The following GBP7 variants were observed in gnomAD, a reference collection of about 807,000 sequenced individuals.
GBP7 encodes guanylate-binding protein 7.
Under a neutral mutation model 61.3 loss-of-function variants are expected in GBP7, and 43 were observed. That is an observed-to-expected ratio of 0.70 (90% CI 0.55 to 0.91). The LOEUF (loss-of-function observed/expected upper bound fraction) is 0.91. GBP7 is among the 40% of genes least tolerant of loss of function. GBP7 has a pLI of 0.00. For missense variants in GBP7, 717 were observed against 740.5 expected (o/e 0.97, Z 0.37); for synonymous variants, 267 against 271.0 (o/e 0.99, Z 0.14).
At chr1:89,146,635 T>C (rs1481576973) in intron 8 of GBP7, among the ~76,000 whole-genome samples, 1 of 152,058 alleles carries the variant, frequency 6.6e-6, no homozygotes. Context: ...GCAAAAGACC[T>C]GAACAGACAT....
At chr1:89,141,797 C>T (rs1681958941) in intron 8 of GBP7, 149 bp from the exon 9 acceptor site, 2 of 615,918 alleles carry the variant, frequency 3.2e-6, no homozygotes, top group Admixed American at 2.8e-5. Flanking sequence ...CCTTCCACAG[C>T]CACAATAAAA....
chr1:89,144,256 T>C (rs1337823956), intron 8 of GBP7, among the ~76,000 whole-genome samples: 3 of 152,224 alleles, frequency 2.0e-5, no homozygotes, highest in Non-Finnish European at 4.4e-5. Context: ...ATGCACCACA[T>C]TGTAAAAATC....
At chr1:89,142,893 C>T (rs4655904) in intron 8 of GBP7, among the ~76,000 whole-genome samples, 112,412 of 152,104 alleles carry the variant, frequency 0.74, 41,849 homozygotes, top group African/African-American at 0.82. Flanking sequence ...AGCTTATTCA[C>T]TTTCATTGTG....
chr1:89,165,847 C>T (rs541296800), intron 2 of GBP7, among the ~76,000 whole-genome samples: 6 of 151,990 alleles, frequency 3.9e-5, no homozygotes, highest in African/African-American at 1.2e-4. Context: ...AGCAAACCAC[C>T]GTGACACGTG....
In GBP7 at chr1:89,132,282, T is replaced by C; in HGVS notation, c.1784A>G (p.Gln595Arg). Residue 595 changes from glutamine (Q) to arginine (R), a missense_variant, in exon 11 of 11, where the codon CAG (glutamine) becomes CGG (arginine). Gln to Arg is a conservative substitution (Grantham distance 43). This residue lies in a region of GBP7 where 312 missense variants were observed against 310.1 expected (regional missense o/e 1.01). Transcript: ENST00000294671. ...TATACTGCCAGCCACATCAAGAATC[T>C]GTGAAAACACTGAGGGCTCTTCATT... ...AENEEPSVFS[Q>R]ILDVAGSIFI... 1 of 1,614,050 alleles carries C rather than the reference T, an allele frequency of 6.2e-7. No homozygotes were observed. The highest frequency in any genetic ancestry group is 8.5e-7 in the Non-Finnish European group (1 of 1,179,960).
intron 6 of GBP7, among the ~76,000 whole-genome samples, 198 bp downstream of exon 6, chr1:89,150,132 C>G (rs768948164): frequency 1.3e-5 from 2 of 152,192 alleles, no homozygotes; most frequent in Non-Finnish European, 2.9e-5. Flanking sequence ...AAACTCATGA[C>G]ATGCTACTTA....
In GBP7 at chr1:89,131,956, TTTATC is replaced by T. The variant is rs749228176; in HGVS notation, c.*188_*192del. On this transcript the variant is annotated 3_prime_UTR_variant, in exon 11 of 11. Transcript: ENST00000294671. The stretch of plus-strand genomic sequence containing the variant: ...TACTTAAATCTTTTCTAGGAATAAT[TTTATC>T]TTCTAACTTGTTCCCCATTTCTATT... The T allele has an allele frequency of 2.5e-3, 1,094 of 439,882 alleles. 3 individuals carry two copies. The highest frequency in any genetic ancestry group is 5.5e-3 in the Middle Eastern group (9 of 1,642). 27.2% of individuals were successfully genotyped at this position (439,882 alleles called of 1,614,324 possible).
chr1:89,158,014 C>T (rs376162242), intron 3 of GBP7, among the ~76,000 whole-genome samples: 3 of 152,132 alleles, frequency 2.0e-5, no homozygotes, highest in East Asian at 3.8e-4. Context: ...GTATCCACCA[C>T]GATCAAGTTG....
At chr1:89,136,265 A>G (rs953926489) in intron 9 of GBP7, among the ~76,000 whole-genome samples, 3 of 152,176 alleles carry the variant, frequency 2.0e-5, no homozygotes, top group Admixed American at 6.5e-5. Flanking sequence ...TGAGGCAAAA[A>G]ACTAACGAAG....
chr1:89,141,906 C>T (rs559548410), intron 8 of GBP7, among the ~76,000 whole-genome samples: 13 of 152,290 alleles, frequency 8.5e-5, no homozygotes, highest in African/African-American at 1.2e-4. Context: ...CACCCACCCC[C>T]GGTGCAGACA....
chr1:89,173,747 T>A (rs1647666171), intron 1 of GBP7, among the ~76,000 whole-genome samples: 1 of 152,202 alleles, frequency 6.6e-6, no homozygotes, highest in African/African-American at 2.4e-5. Context: ...CATCTTGGTA[T>A]CTTGGTTGAT....
intron 2 of GBP7, among the ~76,000 whole-genome samples, chr1:89,168,971 AGTT>A (rs543692209): frequency 0.017 from 1,239 of 71,540 alleles, 16 homozygotes; most frequent in African/African-American, 0.073. Context: ...CTCCGCCTCA[AGTT>A]AAAAAAAAAA....
chr1:89,152,604 A>G, intron 4 of GBP7, 64 bp downstream of exon 4: 1 of 1,529,796 alleles, frequency 6.5e-7, no homozygotes, highest in Middle Eastern at 2.1e-4. Context: ...CAAAGAAGAC[A>G]CAGTATCAGT....
chr1:89,133,401 G>A lies in GBP7; in HGVS notation c.1519C>T (p.Gln507Ter). 6.2e-7 allele frequency: 1 copy of A among 1,603,334 alleles called. No individual in the cohort carries two copies. Among genetic ancestry groups the A allele is most frequent in the Non-Finnish European group, 8.5e-7 (1 of 1,174,632 alleles). Reference protein sequence around the residue: ...AAEKEQELLRQKQKEQQQMME... With the variant: ...AAEKEQELLR ...ATTTGCTGCTGTTCCTTCTGTTTTT[G>A]TCTTAGCAGCTCCTGTTCCTTTTCA... Residue 507 changes from glutamine to a stop codon, truncating the protein, a stop_gained, in exon 10 of 11, where the codon CAA becomes TAA. Transcript: ENST00000294671. LOFTEE classifies it high-confidence loss of function.
At chr1:89,154,812 T>TA (rs948549980) in intron 3 of GBP7, among the ~76,000 whole-genome samples, 8 of 151,280 alleles carry the variant, frequency 5.3e-5, no homozygotes, top group East Asian at 3.9e-4. Context: ...TTAAAAAAAA[T>TA]AAAGAAAACA....
chr1:89,158,483 C>T (rs1570356602), intron 3 of GBP7, among the ~76,000 whole-genome samples: 2 of 152,278 alleles, frequency 1.3e-5, no homozygotes, highest in East Asian at 3.9e-4. Flanking sequence ...CCCAAAATCT[C>T]CTTAAGCTGA....
chr1:89,147,821 T>C, intron 7 of GBP7, 42 bp from the exon 8 acceptor site: 1 of 1,601,606 alleles, frequency 6.2e-7, no homozygotes, highest in Non-Finnish European at 8.5e-7. Context: ...AAGAAGCTGT[T>C]AGAAGGGAAG....
intron 3 of GBP7, among the ~76,000 whole-genome samples, chr1:89,160,919 A>G (rs921516439): frequency 2.0e-5 from 3 of 151,672 alleles, no homozygotes; most frequent in Non-Finnish European, 4.4e-5. Context: ...TTTTTTCTTG[A>G]TCTTTTCCCT....
chr1:89,170,585 C>G (rs762821301), intron 2 of GBP7, among the ~76,000 whole-genome samples: 4 of 152,140 alleles, frequency 2.6e-5, no homozygotes, highest in Non-Finnish European at 5.9e-5. Context: ...CACTAGGGAA[C>G]ACAAAGTATA....
Sources: gnomAD v4.1 joint callset for allele counts (sites outside exome capture counted in the v4.1 genomes callset) on GRCh38, gnomAD v4.1.1 for gene constraint, gnomAD v4.1.1 regional missense constraint, MANE v1.5 for transcripts, NCBI Gene and HGNC (gene_info 2026-07-23, HGNC 2026-07-21) for gene names.